The following EMCN variants were observed in gnomAD, a reference collection of about 807,000 sequenced individuals.
EMCN encodes the protein endomucin.
EMCN carries 37 observed loss-of-function variants against 38.4 expected under a neutral mutation model. The observed-to-expected ratio is 0.96, with a 90% confidence interval of 0.74 to 1.27. The LOEUF is 1.27. EMCN is among the 50% of genes most tolerant of loss of function. EMCN has a pLI of 0.00. For synonymous variants in EMCN, 95 were observed against 100.8 expected (o/e 0.94, Z 0.35); for missense variants, 318 against 302.8 (o/e 1.05, Z -0.37).
chr4:100,439,154 T>G (rs1427441624), intron 5 of EMCN, among the ~76,000 whole-genome samples: 2 of 152,086 alleles, frequency 1.3e-5, no homozygotes, highest in Non-Finnish European at 2.9e-5. Flanking sequence ...TCATTCTACC[T>G]CTATTTTGTT....
rs200840234 is a variant in EMCN at position 100,439,204 on chromosome 4, G to T, written c.415+8329C>A. ...AAGTATCATTATTAATTCTCTGAAG[G>T]TTTGGTAGAATTCAGCTTTTATAAA... On this transcript the variant is annotated intron_variant, in intron 5 of 11. Transcript: ENST00000296420. Among the ~76,000 whole-genome samples the T allele has an allele frequency of 4.6e-5, 7 of 151,986 alleles. No individual in the cohort carries two copies. The East Asian group carries it at 1.3e-3, about 29-fold the overall frequency.
chr4:100,426,786 A>G (rs907252821), intron 5 of EMCN, among the ~76,000 whole-genome samples: 1 of 152,002 alleles, frequency 6.6e-6, no homozygotes, highest in African/African-American at 2.4e-5. Context: ...ATGGAAAATC[A>G]CCCCTTCCCC....
chr4:100,481,854 C>A (rs187113100), intron 1 of EMCN, among the ~76,000 whole-genome samples: 52 of 151,028 alleles, frequency 3.4e-4, no homozygotes, highest in African/African-American at 1.2e-3. Flanking sequence ...TCCTTCCTTC[C>A]TTCCTTTCTT....
chr4:100,507,140 C>T lies in EMCN; in HGVS notation c.64+10711G>A, dbSNP rs766792169. On this transcript the variant is annotated intron_variant, in intron 1 of 11. Coordinates refer to ENST00000296420, the MANE Select transcript of EMCN (RefSeq NM_016242.4). ...TCTTGAGTACCCTATAGGATAGAGG[C>T]CCAGGATCATTCAATGTTAATGAAA... Among the ~76,000 whole-genome samples the T allele has an allele frequency of 3.2e-4, 49 of 151,996 alleles. 2 individuals are homozygous for T. Among genetic ancestry groups the T allele is most frequent in the Admixed American group, 2.9e-3 (44 of 15,262 alleles).
rs78969130 is a variant in EMCN, at chr4:100,516,735, A to G, written c.64+1116T>C. Among the ~76,000 whole-genome samples, 900 of 152,174 alleles carry G rather than the reference A, an allele frequency of 5.9e-3. 5 individuals are homozygous for G. The highest frequency in any genetic ancestry group is 0.021 in the African/African-American group (857 of 41,550). On this transcript the variant is annotated intron_variant, in intron 1 of 11. Coordinates refer to ENST00000296420, the MANE Select transcript of EMCN (RefSeq NM_016242.4). ...TATTTACATAGAAATGACTGATAAA[A>G]TGTTGTTCAGGGAGGGATGTACTTA...
rs78071516 is a variant in EMCN at position 100,415,792 on chromosome 4, A to G, written c.751+106T>C. On this transcript the variant is annotated intron_variant, in intron 10 of 11. Transcript: ENST00000296420. ...TTATTGACAGTAATTGGCTATTTCT[A>G]AAGAAGTTAGGCCTTTTGTTTATGT... 364 of 695,702 alleles carry G rather than the reference A, an allele frequency of 5.2e-4. 2 individuals are homozygous for G. In the East Asian group the frequency reaches 0.011, roughly 20 times the overall value. The allele number at this position is 695,702 out of a possible 1,614,324, so 43.1% of individuals were successfully genotyped here.
intron 10 of EMCN, among the ~76,000 whole-genome samples, chr4:100,413,069 T>C (rs1396177873): frequency 2.0e-5 from 3 of 152,180 alleles, no homozygotes; most frequent in South Asian, 2.1e-4. Flanking sequence ...GTCTGTACCA[T>C]AGTAAAATGT....
chr4:100,437,537 G>A (rs920992302), intron 5 of EMCN, among the ~76,000 whole-genome samples: 2 of 151,552 alleles, frequency 1.3e-5, no homozygotes, highest in African/African-American at 4.8e-5. Context: ...TATAGTTTCT[G>A]GTCTTACCTT....
chr4:100,496,067 C>G (rs1182491328), intron 1 of EMCN, among the ~76,000 whole-genome samples: 1 of 152,034 alleles, frequency 6.6e-6, no homozygotes, highest in Non-Finnish European at 1.5e-5. Flanking sequence ...TTTCTAAACA[C>G]ACTTTTGCTC....
chr4:100,435,794 GTAAATGA>G (rs1727336286), intron 5 of EMCN, among the ~76,000 whole-genome samples: 1 of 152,048 alleles, frequency 6.6e-6, no homozygotes, highest in Admixed American at 6.6e-5. Flanking sequence ...TTTCTATTTA[GTAAATGA>G]TGCTGGGAGA....
intron 5 of EMCN, among the ~76,000 whole-genome samples, chr4:100,444,428 CT>C (rs1306134665): frequency 2.0e-5 from 3 of 152,080 alleles, no homozygotes; most frequent in African/African-American, 7.2e-5. Flanking sequence ...GAGTTTACTG[CT>C]CTAGTGTAAG....
chr4:100,447,423 T>G, intron 5 of EMCN, 110 bp downstream of exon 5: 1 of 747,242 alleles, frequency 1.3e-6, no homozygotes, highest in Non-Finnish European at 2.3e-6. Context: ...ATGTAATGTT[T>G]TCCCTTGTGC....
In EMCN at chr4:100,416,058, C is replaced by CAT. The variant is rs371001814; in HGVS notation, c.690-101_690-100dup. ...AAACAGAATGACGAAGATACATATG[C>CAT]ATATATATATATAATGTGTGTGTAT... On this transcript the variant is annotated intron_variant, in intron 9 of 11. Transcript: ENST00000296420. 1,609 of 624,866 alleles carry CAT rather than the reference C, an allele frequency of 2.6e-3. 14 individuals carry two copies. Among genetic ancestry groups the CAT allele is most frequent in the African/African-American group, 0.024 (1,225 of 51,730 alleles). The allele number at this position is 624,866 out of a possible 1,614,324, so 38.7% of individuals were successfully genotyped here.
intron 8 of EMCN, among the ~76,000 whole-genome samples, chr4:100,420,931 C>T (rs1578400725): frequency 6.6e-6 from 1 of 151,990 alleles, no homozygotes; most frequent in African/African-American, 2.4e-5. Context: ...CAATCTCCCT[C>T]TTTATTTTCT....
At chr4:100,459,210 TCTCTCTCTC>T (rs1177737057) in intron 4 of EMCN, among the ~76,000 whole-genome samples, 6 of 47,546 alleles carry the variant, frequency 1.3e-4, no homozygotes, top group African/African-American at 6.8e-4. Flanking sequence ...TCTCTCTCTC[TCTCTCTCTC>T]TCTCTCTCTC....
intron 1 of EMCN, among the ~76,000 whole-genome samples, chr4:100,510,169 T>A (rs1463378720): frequency 6.6e-6 from 1 of 152,134 alleles, no homozygotes; most frequent in Non-Finnish European, 1.5e-5. Context: ...TTTATGAGAG[T>A]AGTAACAATA....
rs73833362 is a variant in EMCN at position 100,516,693 on chromosome 4, T to C, written c.64+1158A>G. 5.7e-3 allele frequency among the ~76,000 whole-genome samples: 870 copies of C among 152,258 alleles called. 10 individuals carry two copies. Among genetic ancestry groups the C allele is most frequent in the African/African-American group, 0.02 (826 of 41,556 alleles). ...TGAATTTGAAGTGTTTTTGAATTTG[T>C]ACTAAATTTACATAGATATTTACAT... is the stretch of plus-strand genomic sequence containing the variant. On this transcript the variant is annotated intron_variant, in intron 1 of 11. Transcript: ENST00000296420.
rs911924414 is a variant in EMCN, at chr4:100,396,346, G to A, written c.*2067C>T. ...AAATTGTTCCCTCTTCCTAATTCTTGTAAACTCTTTTCTAACCATGCTCAT... is the reference window on the plus strand; with the variant it reads ...AAATTGTTCCCTCTTCCTAATTCTTATAAACTCTTTTCTAACCATGCTCAT... On this transcript the variant is annotated 3_prime_UTR_variant, in exon 12 of 12. Transcript: ENST00000296420. 1.3e-5 allele frequency: 2 copies of A among 151,876 alleles called. No homozygotes were observed. The highest frequency in any genetic ancestry group is 4.8e-5 in the African/African-American group (2 of 41,354). The allele number at this position is 151,876 out of a possible 1,614,324, so 9.4% of individuals were successfully genotyped here. A position where few individuals can be genotyped will look rare whatever the true frequency, so the allele number is the denominator to read the frequency against.
At chr4:100,434,086 G>T (rs1161130552) in intron 5 of EMCN, among the ~76,000 whole-genome samples, 2 of 152,008 alleles carry the variant, frequency 1.3e-5, no homozygotes, top group Non-Finnish European at 2.9e-5. Flanking sequence ...GAATCCAGGA[G>T]TTGGCTTTTT....
Sources: gnomAD v4.1 joint callset for allele counts (sites outside exome capture counted in the v4.1 genomes callset) on GRCh38, gnomAD v4.1.1 for gene constraint, MANE v1.5 for transcripts, NCBI Gene and HGNC (gene_info 2026-07-23, HGNC 2026-07-21) for gene names.